COG5: variants seen among roughly 807,000 people sequenced by gnomAD.
COG5 encodes the protein conserved oligomeric Golgi complex subunit 5.
Under a neutral mutation model 110.4 loss-of-function variants are expected in COG5, and 86 were observed. The observed-to-expected ratio is 0.78, with a 90% CI of 0.65 to 0.93. COG5 has a LOEUF of 0.93. COG5 is among the 40% of genes least tolerant of loss of function. The probability of loss-of-function intolerance (pLI) is 0.00; values close to 1 mark genes in which losing one functional copy is unlikely to be tolerated. For synonymous variants in COG5, 360 were observed against 334.6 expected (o/e 1.08, Z -0.83); for missense variants, 1,077 against 987.0 (o/e 1.09, Z -1.22).
At chr7:107,493,341 T>C (rs1798083856) in intron 6 of COG5, among the ~76,000 whole-genome samples, 1 of 152,178 alleles carries the variant, frequency 6.6e-6, no homozygotes, top group South Asian at 2.1e-4. Flanking sequence ...TACTATCCTT[T>C]AGCCTCAAAA....
At chr7:107,511,054 C>A (rs548017737) in intron 6 of COG5, among the ~76,000 whole-genome samples, 4 of 149,268 alleles carry the variant, frequency 2.7e-5, no homozygotes, top group African/African-American at 9.8e-5. Flanking sequence ...CAGAGCAGAA[C>A]TGAAGGAAAT....
At chr7:107,390,903 C>A (rs914012148) in intron 7 of COG5, among the ~76,000 whole-genome samples, 27 of 151,616 alleles carry the variant, frequency 1.8e-4, no homozygotes, top group Non-Finnish European at 3.1e-4. Context: ...AATAAACCTT[C>A]TTGGAAGGCC....
At chr7:107,491,300 G>A (rs1797961018) in intron 6 of COG5, among the ~76,000 whole-genome samples, 1 of 151,972 alleles carries the variant, frequency 6.6e-6, no homozygotes, top group Non-Finnish European at 1.5e-5. Flanking sequence ...AATATCCTGG[G>A]TACTCTTCCA....
intron 6 of COG5, among the ~76,000 whole-genome samples, chr7:107,415,014 C>T (rs1792611139): frequency 6.6e-6 from 1 of 151,966 alleles, no homozygotes; most frequent in South Asian, 2.1e-4. Flanking sequence ...GCGTGAGCCA[C>T]CATGCCCGGC....
At chr7:107,498,379 T>C (rs1407440068) in intron 6 of COG5, among the ~76,000 whole-genome samples, 1 of 152,152 alleles carries the variant, frequency 6.6e-6, no homozygotes, top group African/African-American at 2.4e-5. Flanking sequence ...ACCATGTATC[T>C]GATAAAGGGT....
At chr7:107,330,907 C>T (rs895959579) in intron 10 of COG5, among the ~76,000 whole-genome samples, 4 of 150,986 alleles carry the variant, frequency 2.6e-5, no homozygotes, top group Non-Finnish European at 5.9e-5. Flanking sequence ...ACTGTAACCT[C>T]CGCCTTCCGG....
intron 10 of COG5, among the ~76,000 whole-genome samples, chr7:107,353,164 G>A (rs777276573): frequency 7.9e-5 from 12 of 152,050 alleles, no homozygotes; most frequent in African/African-American, 9.7e-5. Flanking sequence ...GGTGGTTCAC[G>A]CCTGTAATCC....
At chr7:107,379,433 A>G (rs2129052549) in intron 7 of COG5, among the ~76,000 whole-genome samples, 1 of 152,286 alleles carries the variant, frequency 6.6e-6, no homozygotes, top group African/African-American at 2.4e-5. Flanking sequence ...ATTAACTTTA[A>G]AAGTAAATGG....
intron 11 of COG5, among the ~76,000 whole-genome samples, chr7:107,299,699 A>G (rs1320848263): frequency 3.3e-5 from 5 of 151,576 alleles, no homozygotes; most frequent in African/African-American, 1.2e-4. Context: ...AAAAACTACA[A>G]AACAATATTC....
chr7:107,305,033 TGAA>T (rs1233790976), intron 11 of COG5, among the ~76,000 whole-genome samples: 1 of 152,158 alleles, frequency 6.6e-6, no homozygotes, highest in African/African-American at 2.4e-5. Flanking sequence ...CTAAATGTCT[TGAA>T]GAAAAATAAA....
At chr7:107,379,779 A>C (rs1814951230) in intron 7 of COG5, among the ~76,000 whole-genome samples, 1 of 152,182 alleles carries the variant, frequency 6.6e-6, no homozygotes, top group Non-Finnish European at 1.5e-5. Context: ...AGATTCATAA[A>C]GCAAGTTCTT....
chr7:107,294,713 C>CTTT (rs796291188), intron 12 of COG5, among the ~76,000 whole-genome samples: 17 of 110,044 alleles, frequency 1.5e-4, no homozygotes, highest in East Asian at 2.7e-4. Flanking sequence ...AATTTTCTTT[C>CTTT]TTTTTTTTTT....
chr7:107,563,095 C>T (rs924351486), intron 1 of COG5, among the ~76,000 whole-genome samples: 2 of 152,136 alleles, frequency 1.3e-5, no homozygotes, highest in Non-Finnish European at 2.9e-5. Context: ...ATAAGAGATT[C>T]GGGACATGGT....
chr7:107,541,919 G>A (rs2129169083), intron 5 of COG5, among the ~76,000 whole-genome samples: 2 of 146,702 alleles, frequency 1.4e-5, no homozygotes, highest in South Asian at 2.1e-4. Flanking sequence ...AACAGAGTGA[G>A]ACTCCATCTC....
At chr7:107,310,674 A>G (rs970535032) in intron 11 of COG5, among the ~76,000 whole-genome samples, 3 of 152,230 alleles carry the variant, frequency 2.0e-5, no homozygotes, top group African/African-American at 4.8e-5. Context: ...GACAAAAAAC[A>G]AAAATGAAGT....
In COG5 at chr7:107,396,643, G is replaced by A. The variant is rs111894996; in HGVS notation, c.669+15859C>T. ...TGATACACCGAGTGCCTAAAAAAAT[G>A]AGGAAGAGAGTATAAAAATGATCAA... On this transcript the variant is annotated intron_variant, in intron 7 of 21. Coordinates refer to ENST00000297135, the MANE Select transcript of COG5 (RefSeq NM_006348.5). 2.1e-3 allele frequency among the ~76,000 whole-genome samples: 321 copies of A among 152,080 alleles called. 5 individuals carry two copies. The highest frequency in any genetic ancestry group is 7.2e-3 in the African/African-American group (299 of 41,492).
At chr7:107,337,759 C>A (rs1417515452) in intron 10 of COG5, among the ~76,000 whole-genome samples, 2 of 151,988 alleles carry the variant, frequency 1.3e-5, no homozygotes. Flanking sequence ...CTATAGTTAA[C>A]AACAATGTAT....
intron 7 of COG5, among the ~76,000 whole-genome samples, chr7:107,373,013 A>G (rs1814319385): frequency 6.6e-6 from 1 of 152,176 alleles, no homozygotes; most frequent in Non-Finnish European, 1.5e-5. Context: ...CCTTTAAAAA[A>G]TAACAAGAAG....
chr7:107,479,969 C>T (rs6962433), intron 6 of COG5, among the ~76,000 whole-genome samples: 63,775 of 151,906 alleles, frequency 0.42, 13,741 homozygotes, highest in Non-Finnish European at 0.47. Flanking sequence ...CCCTGAATAA[C>T]TTATTATGGG....
Sources: allele counts gnomAD v4.1 joint callset (sites outside exome capture counted in the v4.1 genomes callset), GRCh38; gene constraint gnomAD v4.1.1; transcripts MANE v1.5; gene names NCBI Gene and HGNC (gene_info 2026-07-23, HGNC 2026-07-21).